The following IFT122 variants were observed in gnomAD, a reference collection of about 807,000 sequenced individuals.
The protein encoded by IFT122 is intraflagellar transport 122.
IFT122 carries 118 observed loss-of-function variants against 161.6 expected under a neutral mutation model. The ratio of observed to expected loss-of-function variants is 0.73; its 90% CI spans 0.63 to 0.85. The LOEUF is 0.85. Among genes scored for constraint, IFT122 ranks in the 40% least tolerant of loss-of-function variants. The pLI, the probability that IFT122 is intolerant of heterozygous loss-of-function variation, is 0.00. For synonymous variants in IFT122, 550 were observed against 602.4 expected (o/e 0.91, Z 1.27); for missense variants, 1,381 against 1,579.6 (o/e 0.87, Z 2.13).
chr3:129,494,924 C>T (rs2080658623), intron 17 of IFT122, among the ~76,000 whole-genome samples: 1 of 152,056 alleles, frequency 6.6e-6, no homozygotes, highest in Non-Finnish European at 1.5e-5. Context: ...AAGTATATAC[C>T]CAGAACCTAG....
chr3:129,501,005 G>A (rs2081469469), intron 19 of IFT122, among the ~76,000 whole-genome samples: 1 of 152,146 alleles, frequency 6.6e-6, no homozygotes, highest in African/African-American at 2.4e-5. Context: ...TGTTGGGGCA[G>A]TGGTGAGTGT....
At position 129,500,027 on chromosome 3, in the gene IFT122, C is replaced by A. The variant is rs767655853; in HGVS notation, c.2334C>A (p.Val778=). The A allele has an allele frequency of 6.8e-6, 11 of 1,614,232 alleles. No homozygotes were observed. The South Asian group carries it at 1.2e-4, about 18-fold the overall frequency. The change falls in exon 19 of 30, where the codon GTC becomes GTA. Residue 778 remains valine, a synonymous_variant. Transcript: ENST00000348417. ...TGTACATCTCAGCAGGAGAGCACGT[C>A]AAGGCCATCGAGATCTGTGGTGACC... is the stretch of plus-strand genomic sequence containing the variant. ...VEMYISAGEH[V]KAIEICGDHG...
chr3:129,460,903 C>G (rs770407778), intron 4 of IFT122: 3 of 1,614,104 alleles, frequency 1.9e-6, no homozygotes, highest in Non-Finnish European at 2.5e-6. Flanking sequence ...ATTTCTGGGC[C>G]TCCACAAAAC....
chr3:129,512,199 A>G (rs1394933075), intron 23 of IFT122, 113 bp from the exon 24 acceptor site: 12 of 805,098 alleles, frequency 1.5e-5, no homozygotes, highest in Admixed American at 1.2e-4. Flanking sequence ...GGTGCTCAAT[A>G]ATCAGAGCCG....
intron 23 of IFT122, among the ~76,000 whole-genome samples, chr3:129,510,844 A>C (rs971053918): frequency 6.6e-6 from 1 of 152,254 alleles, no homozygotes; most frequent in Non-Finnish European, 1.5e-5. Flanking sequence ...AGACCTGGTG[A>C]CACGGTGGTG....
In IFT122 at chr3:129,512,590, G is replaced by C. The variant is rs2285355; in HGVS notation, c.2987+178G>C. On this transcript the variant is annotated intron_variant, in intron 24 of 29. Coordinates refer to ENST00000348417, the MANE Select transcript of IFT122 (RefSeq NM_052989.3). Reference sequence around the variant, plus strand: ...TAGAGGCTCAGCAGGGAGGCCCAGGGGCCCAGGCCAAGAGAAGATGAGTTT... The same window carrying C: ...TAGAGGCTCAGCAGGGAGGCCCAGGCGCCCAGGCCAAGAGAAGATGAGTTT... The C allele has an allele frequency of 0.051, 32,908 of 647,566 alleles. 3,860 individuals carry two copies. Among genetic ancestry groups the C allele is most frequent in the East Asian group, 0.37 (13,490 of 36,632 alleles). 40.1% of individuals were successfully genotyped at this position (647,566 alleles called of 1,614,324 possible). A position where few individuals can be genotyped will look rare whatever the true frequency, so the allele number is the denominator to read the frequency against.
intron 9 of IFT122, 98 bp downstream of exon 9, chr3:129,469,515 C>G: frequency 1.0e-6 from 1 of 958,428 alleles, no homozygotes; most frequent in Non-Finnish European, 1.7e-6. Flanking sequence ...ATTGTTAGTT[C>G]CTGCTTATTG....
chr3:129,481,493 A>G (rs2078639885), intron 13 of IFT122, 37 bp from the exon 14 acceptor site: 2 of 1,445,558 alleles, frequency 1.4e-6, no homozygotes, highest in African/African-American at 1.4e-5. Context: ...TCTTGTTGCC[A>G]TGGTGACTGA....
intron 5 of IFT122, 95 bp from the exon 6 acceptor site, chr3:129,463,465 A>G (rs913169092): frequency 1.0e-6 from 1 of 952,480 alleles, no homozygotes; most frequent in Non-Finnish European, 1.7e-6. Flanking sequence ...CTGGAGATCC[A>G]TCTAAGTTGT....
At chr3:129,505,401 G>A (rs1166955598) in intron 21 of IFT122, among the ~76,000 whole-genome samples, 1 of 152,188 alleles carries the variant, frequency 6.6e-6, no homozygotes, top group Non-Finnish European at 1.5e-5. Context: ...CCCCTCAACC[G>A]AAAGCCCTCA....
rs1385748848 is a variant in IFT122 at position 129,517,564 on chromosome 3, G to T, written c.3361G>T (p.Asp1121Tyr). 1.2e-6 allele frequency: 2 copies of T among 1,613,920 alleles called. No homozygotes were observed. The highest frequency in any genetic ancestry group is 1.7e-6 in the Non-Finnish European group (2 of 1,179,858). ...IDLEVLRPKR[D>Y]DRQLEIANNS... ...CCTGGAGGTGCTGAGACCCAAGCGG[G>T]ATGACAGACAGCTAGAGATTGCAAA... Residue 1121 changes from aspartate to tyrosine, a missense_variant, in exon 27 of 30, where the codon GAT becomes TAT. Around this residue, in one of 7 missense-constraint regions of IFT122, gnomAD observed 177 missense variants for 199.2 expected, o/e 0.89. Coordinates refer to ENST00000348417, the MANE Select transcript of IFT122 (RefSeq NM_052989.3).
rs865791910 is a variant in IFT122, at chr3:129,500,085, G to A, written c.2375+17G>A. 1 of 1,614,050 alleles carries A rather than the reference G, an allele frequency of 6.2e-7. No homozygotes were observed. The highest frequency in any genetic ancestry group is 1.6e-4 in the Middle Eastern group (1 of 6,062). On this transcript the variant is annotated intron_variant, in intron 19 of 29. Coordinates refer to ENST00000348417, the MANE Select transcript of IFT122 (RefSeq NM_052989.3). Reference sequence around the variant, plus strand: ...GGTTGACATGTAGGTTTTGGTCCCTGCCCCGAGAAGCATTTGGCAGCATGT... The same window carrying A: ...GGTTGACATGTAGGTTTTGGTCCCTACCCCGAGAAGCATTTGGCAGCATGT...
At chr3:129,505,665 T>A (rs1333460733) in intron 21 of IFT122, among the ~76,000 whole-genome samples, 2 of 152,240 alleles carry the variant, frequency 1.3e-5, no homozygotes, top group Non-Finnish European at 2.9e-5. Context: ...GTGTCATGGC[T>A]ACAAGTGCTT....
At chr3:129,498,094 A>G (rs1473587433) in intron 18 of IFT122, among the ~76,000 whole-genome samples, 1 of 152,228 alleles carries the variant, frequency 6.6e-6, no homozygotes, top group African/African-American at 2.4e-5. Context: ...CCATGGCCCC[A>G]GATAATGTGT....
At position 129,492,185 on chromosome 3, in the gene IFT122, C is replaced by T. The variant is rs201823275; in HGVS notation, c.2037C>T (p.Ser679=). 1 of 1,612,526 alleles carries T rather than the reference C, an allele frequency of 6.2e-7. No homozygotes were observed. Residue 679 remains serine, a synonymous_variant, in exon 17 of 30, where the codon AGC becomes AGT. Transcript: ENST00000348417. ...ACCTCCGATATTTAGAGCTCATCAG[C>T]AGCATTGAGGTAAAAGATGAAGCAT... is the stretch of plus-strand genomic sequence containing the variant. ...VQDLRYLELI[S]SIEERKKRGE... is the part of the protein sequence containing the mutation.
At chr3:129,459,722 TTCCTTCCCTCCC>T (rs2076008801) in intron 4 of IFT122, among the ~76,000 whole-genome samples, 1 of 83,254 alleles carries the variant, frequency 1.2e-5, no homozygotes, top group Admixed American at 1.2e-4. Flanking sequence ...CCTTCCTTCC[TTCCTTCCCTCCC>T]TCCCTCCCTT....
At chr3:129,505,312 T>C (rs1315188984) in intron 21 of IFT122, among the ~76,000 whole-genome samples, 2 of 152,354 alleles carry the variant, frequency 1.3e-5, no homozygotes, top group Non-Finnish European at 2.9e-5. Flanking sequence ...TGATGTTCCA[T>C]AGCATCTGAT....
chr3:129,492,093 T>C (rs1461588930), intron 16 of IFT122, 48 bp from the exon 17 acceptor site: 2 of 1,482,292 alleles, frequency 1.3e-6, no homozygotes, highest in South Asian at 2.3e-5. Context: ...TCACCCACTT[T>C]TGAAGCCAAG....
At position 129,481,665 on chromosome 3, in the gene IFT122, G is replaced by A. The variant is rs2078660817; in HGVS notation, c.1624G>A (p.Asp542Asn). 4.3e-6 allele frequency: 7 copies of A among 1,613,962 alleles called. No homozygotes were observed. The highest frequency in any genetic ancestry group is 1.3e-5 in the African/African-American group (1 of 74,948). The part of the protein sequence containing the change: ...VDENDTCLVY[D>N]IDTKELLFQE... ...TGAAAATGACACTTGCCTGGTGTAT[G>A]ACATCGACACCAAGGAGCTGCTTTT... is the stretch of plus-strand genomic sequence containing the variant. The change falls in exon 14 of 30, where the codon GAC (aspartate) becomes AAC (asparagine). Residue 542 changes from aspartate to asparagine, a missense_variant. This residue lies in a region of IFT122 where 544 missense variants were observed against 648.0 expected (regional missense o/e 0.84). Transcript: ENST00000348417.
Sources: gnomAD v4.1 joint callset for allele counts (sites outside exome capture counted in the v4.1 genomes callset) on GRCh38, gnomAD v4.1.1 for gene constraint, gnomAD v4.1.1 regional missense constraint, MANE v1.5 for transcripts, NCBI Gene and HGNC (gene_info 2026-07-23, HGNC 2026-07-21) for gene names.